RIMS2: variants seen among roughly 807,000 people sequenced by gnomAD.
The protein encoded by RIMS2 is regulating synaptic membrane exocytosis protein 2.
Under a neutral mutation model 174.4 loss-of-function variants are expected in RIMS2, and 59 were observed. The ratio of observed to expected loss-of-function variants is 0.34; its 90% CI spans 0.27 to 0.42. The LOEUF is 0.42. Among genes scored for constraint, RIMS2 ranks in the 10% least tolerant of loss-of-function variants. The probability of loss-of-function intolerance (pLI) is 1.00; values close to 1 mark genes in which losing one functional copy is unlikely to be tolerated. For synonymous variants in RIMS2, 606 were observed against 572.5 expected (o/e 1.06, Z -0.84); for missense variants, 1,620 against 1,666.3 (o/e 0.97, Z 0.48).
At chr8:103,754,511 C>T (rs2097950148) in intron 2 of RIMS2, among the ~76,000 whole-genome samples, 1 of 152,100 alleles carries the variant, frequency 6.6e-6, no homozygotes, top group Non-Finnish European at 1.5e-5. Flanking sequence ...ATTGATCTGT[C>T]TCTTGTTGAC....
rs191900529 is a variant in RIMS2, at chr8:103,867,690, A to G, written c.699-17608A>G. Among the ~76,000 whole-genome samples the G allele has an allele frequency of 9.1e-4, 139 of 152,112 alleles. 4 individuals are homozygous for G. The highest frequency in any genetic ancestry group is 9.1e-3 in the Admixed American group (139 of 15,284). On this transcript the variant is annotated intron_variant, in intron 3 of 23. Coordinates refer to ENST00000504942, the Ensembl canonical transcript of RIMS2. ...TAATAATTATGATAATAACCTCGACAAAGATAGCATGTACTTCTAATGTTA... is the reference window on the plus strand; with the variant it reads ...TAATAATTATGATAATAACCTCGACGAAGATAGCATGTACTTCTAATGTTA...
At chr8:103,731,552 C>T (rs1488544427) in intron 2 of RIMS2, among the ~76,000 whole-genome samples, 1 of 152,114 alleles carries the variant, frequency 6.6e-6, no homozygotes, top group Non-Finnish European at 1.5e-5. Flanking sequence ...TCTCTATCTC[C>T]TCTTTCAGGA....
intron 1 of RIMS2, among the ~76,000 whole-genome samples, chr8:103,516,421 TAATTA>T (rs1297229753): frequency 6.6e-6 from 1 of 152,126 alleles, no homozygotes; most frequent in African/African-American, 2.4e-5. Flanking sequence ...TGAACTTATT[TAATTA>T]AATTATGTTA....
chr8:103,524,434 C>T (rs549371195), intron 1 of RIMS2, among the ~76,000 whole-genome samples: 1 of 152,036 alleles, frequency 6.6e-6, no homozygotes, highest in South Asian at 2.1e-4. Flanking sequence ...ATATTTTAAA[C>T]AAAGAAAATT....
intron 3 of RIMS2, among the ~76,000 whole-genome samples, chr8:103,792,906 C>A (rs9918740): frequency 0.048 from 7,314 of 152,148 alleles, 582 homozygotes; most frequent in African/African-American, 0.17. Flanking sequence ...CCTGAATAGA[C>A]CAATAACAGG....
chr8:103,945,934 C>A (rs2083636652), intron 14 of RIMS2, among the ~76,000 whole-genome samples: 1 of 152,102 alleles, frequency 6.6e-6, no homozygotes, highest in Non-Finnish European at 1.5e-5. Flanking sequence ...GAAAGGATGT[C>A]TCTTCTTATC....
chr8:104,127,233 A>G (rs1289312507), intron 19 of RIMS2, among the ~76,000 whole-genome samples: 3 of 152,188 alleles, frequency 2.0e-5, no homozygotes, highest in Non-Finnish European at 4.4e-5. Flanking sequence ...ATCTTATTCT[A>G]AAAGAAAACG....
intron 3 of RIMS2, among the ~76,000 whole-genome samples, chr8:103,833,953 C>G (rs192378257): frequency 6.6e-6 from 1 of 152,216 alleles, no homozygotes; most frequent in East Asian, 1.9e-4. Flanking sequence ...GCTTTATAGT[C>G]TCTGAAATTA....
intron 19 of RIMS2, among the ~76,000 whole-genome samples, chr8:104,222,161 C>G (rs1014576015): frequency 6.6e-6 from 1 of 152,186 alleles, no homozygotes; most frequent in African/African-American, 2.4e-5. Context: ...GCATTCATCT[C>G]CTTTTTAGCA....
chr8:103,988,810 T>A (rs905434878), intron 16 of RIMS2, among the ~76,000 whole-genome samples: 1 of 152,044 alleles, frequency 6.6e-6, no homozygotes, highest in Non-Finnish European at 1.5e-5. Flanking sequence ...TGGACTGGAG[T>A]GGTATCAAGG....
chr8:104,246,999 G>GGCGGCAA (rs2099336783), intron 20 of RIMS2, among the ~76,000 whole-genome samples: 1 of 151,100 alleles, frequency 6.6e-6, no homozygotes, highest in Admixed American at 6.6e-5. Context: ...TGAGTGCTGA[G>GGCGGCAA]GGGGCAAGGG....
At chr8:103,670,550 C>A (rs1488813502) in intron 1 of RIMS2, among the ~76,000 whole-genome samples, 1 of 152,184 alleles carries the variant, frequency 6.6e-6, no homozygotes, top group Non-Finnish European at 1.5e-5. Context: ...CCCAAGTCAC[C>A]TCTTGAATAC....
intron 3 of RIMS2, among the ~76,000 whole-genome samples, chr8:103,852,008 A>G (rs959270891): frequency 6.6e-6 from 1 of 151,998 alleles, no homozygotes; most frequent in Non-Finnish European, 1.5e-5. Context: ...ATTTAGACCA[A>G]TCCTCCACTG....
chr8:103,599,535 C>G (rs1326150232), intron 1 of RIMS2, among the ~76,000 whole-genome samples: 2 of 151,400 alleles, frequency 1.3e-5, no homozygotes, highest in Non-Finnish European at 2.9e-5. Flanking sequence ...ACCTCCTGGG[C>G]TCAGGTGATC....
rs541318100 is a variant in RIMS2, at chr8:103,711,325, A to G, written c.387+14029A>G. ...CAATGAGAAGGTTTGTAAGAAATAT[A>G]GAAGAGGGCAGCGCCTTATTTCATT... On this transcript the variant is annotated intron_variant, in intron 2 of 23. Coordinates refer to ENST00000504942, the Ensembl canonical transcript of RIMS2. 6.6e-5 allele frequency among the ~76,000 whole-genome samples: 10 copies of G among 152,340 alleles called. No individual in the cohort carries two copies. In the South Asian group the frequency reaches 2.1e-3, roughly 32 times the overall value.
intron 19 of RIMS2, among the ~76,000 whole-genome samples, chr8:104,156,028 G>A (rs1411746809): frequency 2.6e-5 from 4 of 152,088 alleles, no homozygotes; most frequent in African/African-American, 9.7e-5. Flanking sequence ...TTTCAACTAT[G>A]ACATAATTAA....
At chr8:103,611,117 G>A (rs1450169095) in intron 1 of RIMS2, among the ~76,000 whole-genome samples, 1 of 152,084 alleles carries the variant, frequency 6.6e-6, no homozygotes, top group African/African-American at 2.4e-5. Flanking sequence ...GCATAGAGGT[G>A]TTTGTAGTAG....
intron 19 of RIMS2, among the ~76,000 whole-genome samples, chr8:104,064,593 C>T (rs571109655): frequency 6.6e-6 from 1 of 151,912 alleles, no homozygotes; most frequent in Non-Finnish European, 1.5e-5. Flanking sequence ...AAACAGAGGG[C>T]CATTTCCACC....
At chr8:103,548,540 T>C (rs1846136034) in intron 1 of RIMS2, among the ~76,000 whole-genome samples, 1 of 152,200 alleles carries the variant, frequency 6.6e-6, no homozygotes, top group Non-Finnish European at 1.5e-5. Flanking sequence ...GAGCCATCTA[T>C]GTAAAACATA....
Sources: allele counts gnomAD v4.1 joint callset (sites outside exome capture counted in the v4.1 genomes callset), GRCh38; gene constraint gnomAD v4.1.1; transcripts MANE v1.5; gene names NCBI Gene and HGNC (gene_info 2026-07-23, HGNC 2026-07-21).